The following RCHY1 variants were observed in gnomAD, a reference collection of about 807,000 sequenced individuals.
RCHY1 encodes ring finger and CHY zinc finger domain containing 1, also known as RING finger and CHY zinc finger domain-containing protein 1.
In RCHY1, 21 loss-of-function variants were observed where a neutral mutation model predicts 41.6. The ratio of observed to expected loss-of-function variants is 0.51; its 90% CI spans 0.36 to 0.73. The LOEUF (loss-of-function observed/expected upper bound fraction) is 0.73, where lower values mean the gene tolerates loss of function less well. RCHY1 is among the 30% of genes least tolerant of loss of function. RCHY1 has a pLI of 0.00. For synonymous variants in RCHY1, 79 were observed against 102.9 expected, an observed-to-expected ratio of 0.77 and a Z score of 1.41; for missense variants, 265 against 325.3, an observed-to-expected ratio of 0.81 and a Z score of 1.43.
intron 8 of RCHY1, among the ~76,000 whole-genome samples, chr4:75,484,970 A>G (rs1721859157): frequency 6.6e-6 from 1 of 152,172 alleles, no homozygotes; most frequent in South Asian, 2.1e-4. Flanking sequence ...CAATATTTTT[A>G]TTGCCTTAAA....
chr4:75,501,592 T>G (rs1054218845), intron 3 of RCHY1, among the ~76,000 whole-genome samples: 2 of 152,336 alleles, frequency 1.3e-5, no homozygotes, highest in South Asian at 2.1e-4. Context: ...CATAATTATT[T>G]GTCTATAACG....
intron 1 of RCHY1, 38 bp from the exon 2 acceptor site, chr4:75,509,334 CA>C: frequency 6.3e-7 from 1 of 1,594,580 alleles, no homozygotes; most frequent in Non-Finnish European, 8.5e-7. Flanking sequence ...TAGTAAGAAG[CA>C]AAAGAAACTA....
chr4:75,508,422 T>C (rs939565584), intron 3 of RCHY1, among the ~76,000 whole-genome samples: 1 of 152,132 alleles, frequency 6.6e-6, no homozygotes, highest in Non-Finnish European at 1.5e-5. Flanking sequence ...TTTTTTCCAA[T>C]TTTTATAAAA....
rs962525495 is a variant in RCHY1, at chr4:75,514,379, C to T, written c.-93G>A. On this transcript the variant is annotated 5_prime_UTR_variant, in exon 1 of 9. Coordinates refer to ENST00000324439, the MANE Select transcript of RCHY1 (RefSeq NM_015436.4). ...CGCCTCTCTAGCACACCCCTCCCAG[C>T]CCCAGCGGCCACTAGCGACAATATG... 7.2e-7 allele frequency: 1 copy of T among 1,389,006 alleles called. No homozygotes were observed. Among genetic ancestry groups the T allele is most frequent in the African/African-American group, 1.4e-5 (1 of 70,418 alleles). 86.0% of individuals were successfully genotyped at this position (1,389,006 alleles called of 1,614,324 possible).
At chr4:75,509,148 AAG>A (rs757112932) in intron 2 of RCHY1, 27 bp downstream of exon 2, 1 of 1,592,750 alleles carries the variant, frequency 6.3e-7, no homozygotes, top group African/African-American at 1.4e-5. Flanking sequence ...AGCTTTTAAA[AAG>A]AAAATAGAAA....
intron 1 of RCHY1, among the ~76,000 whole-genome samples, chr4:75,513,780 T>A (rs1454427707): frequency 2.0e-5 from 3 of 152,240 alleles, no homozygotes; most frequent in Non-Finnish European, 4.4e-5. Context: ...GCTGGCAGGC[T>A]ATAAAACTTT....
At chr4:75,485,326 C>T (rs763321153) in intron 8 of RCHY1, among the ~76,000 whole-genome samples, 3 of 152,278 alleles carry the variant, frequency 2.0e-5, no homozygotes, top group Admixed American at 6.5e-5. Context: ...TTTTTAAAAA[C>T]GATCTATGGA....
rs1177113049 is a variant in RCHY1, at chr4:75,480,852, ATGG to A, written c.*1683_*1685del. Reference sequence around the variant, plus strand: ...CAAAACAATTAAAAATTAGCTGGGCATGGTGGCACACACCTGTAGTCCCAGCTA... The same window carrying A: ...CAAAACAATTAAAAATTAGCTGGGCATGGCACACACCTGTAGTCCCAGCTA... On this transcript the variant is annotated 3_prime_UTR_variant, in exon 9 of 9. Coordinates refer to ENST00000324439, the MANE Select transcript of RCHY1 (RefSeq NM_015436.4). 6.6e-6 allele frequency: 1 copy of A among 152,338 alleles called. No homozygotes were observed. Among genetic ancestry groups the A allele is most frequent in the Non-Finnish European group, 1.5e-5 (1 of 68,164 alleles). The allele number at this position is 152,338 out of a possible 1,614,324, so 9.4% of individuals were successfully genotyped here.
chr4:75,502,418 T>C (rs1482400602), intron 3 of RCHY1, among the ~76,000 whole-genome samples: 1 of 151,860 alleles, frequency 6.6e-6, no homozygotes, highest in Admixed American at 6.6e-5. Context: ...CGGGCGCCTG[T>C]AGTCCCAGTT....
At chr4:75,513,514 TGAGGTTC>T (rs1725181061) in intron 1 of RCHY1, among the ~76,000 whole-genome samples, 5 of 152,258 alleles carry the variant, frequency 3.3e-5, no homozygotes, top group African/African-American at 1.2e-4. Flanking sequence ...ATAGGGCGGT[TGAGGTTC>T]CAAAGCTCAA....
At chr4:75,490,497 T>A in intron 8 of RCHY1, 84 bp downstream of exon 8, 2 of 1,032,438 alleles carry the variant, frequency 1.9e-6, no homozygotes, top group Non-Finnish European at 1.4e-6. Context: ...ATATATATTT[T>A]TTTTTTGGCA....
rs1429029974 is a variant in RCHY1 at position 75,479,214 on chromosome 4, T to C, written c.*3324A>G. On this transcript the variant is annotated 3_prime_UTR_variant, in exon 9 of 9. Coordinates refer to ENST00000324439, the MANE Select transcript of RCHY1 (RefSeq NM_015436.4). ...TTAATCATTCTACACTGTAAACATA[T>C]ATCAAAACATCACATTGTACTCCAT... is the stretch of plus-strand genomic sequence containing the variant. 6.6e-6 allele frequency: 1 copy of C among 152,094 alleles called. No homozygotes were observed. The highest frequency in any genetic ancestry group is 2.4e-5 in the African/African-American group (1 of 41,442). 9.4% of individuals were successfully genotyped at this position (152,094 alleles called of 1,614,324 possible).
chr4:75,491,939 T>G lies in RCHY1; in HGVS notation c.406-6A>C. The G allele has an allele frequency of 1.3e-6, 2 of 1,583,726 alleles. No individual in the cohort carries two copies. The highest frequency in any genetic ancestry group is 1.7e-6 in the Non-Finnish European group (2 of 1,168,316). Reference sequence around the variant, plus strand: ...CGGGACACATTTTCAATACACTGTTTAAAAGAGAAATTCACATTAACAAAA... The same window carrying G: ...CGGGACACATTTTCAATACACTGTTGAAAAGAGAAATTCACATTAACAAAA... On this transcript the variant is annotated splice_polypyrimidine_tract_variant and splice_region_variant and intron_variant, in intron 4 of 8. Coordinates refer to ENST00000324439, the MANE Select transcript of RCHY1 (RefSeq NM_015436.4).
At chr4:75,501,085 C>A (rs1032747459) in intron 3 of RCHY1, among the ~76,000 whole-genome samples, 1 of 152,180 alleles carries the variant, frequency 6.6e-6, no homozygotes, top group African/African-American at 2.4e-5. Context: ...TTTTGGCTCA[C>A]TGCAACCTCC....
chr4:75,491,629 T>A lies in RCHY1; in HGVS notation c.518A>T (p.Tyr173Phe), dbSNP rs778874126. The A allele has an allele frequency of 4.4e-6, 7 of 1,599,302 alleles. No homozygotes were observed. The East Asian group carries it at 1.6e-4, about 36-fold the overall frequency. The change falls in exon 7 of 9, where the codon TAT becomes TTT. Residue 173 changes from tyrosine (Y) to phenylalanine (F), a missense_variant. Transcript: ENST00000324439. ...PCGHLLHRTC[Y>F]EEMLKEGYRC... Reference sequence around the variant, plus strand: ...CACTCACTCTTTCAACATTTCTTCATAACACGTTCTGAAAGAAAATATAAG... The same window carrying A: ...CACTCACTCTTTCAACATTTCTTCAAAACACGTTCTGAAAGAAAATATAAG...
rs1234063503 is a variant in RCHY1, at chr4:75,487,769, CAT to C, written c.657+2810_657+2811del. On this transcript the variant is annotated intron_variant, in intron 8 of 8. Coordinates refer to ENST00000324439, the MANE Select transcript of RCHY1 (RefSeq NM_015436.4). Reference sequence around the variant, plus strand: ...TATATATATTCATAATATATATATTCATATATATATTCATAATATATATATTC... The same window carrying C: ...TATATATATTCATAATATATATATTCATATATATTCATAATATATATATTC... 3.0e-4 allele frequency among the ~76,000 whole-genome samples: 18 copies of C among 60,456 alleles called. 1 individual carries two copies. Among genetic ancestry groups the C allele is most frequent in the South Asian group, 2.6e-3 (6 of 2,328 alleles). The allele number at this position is 60,456 out of a possible 152,430, so 39.7% of individuals were successfully genotyped here.
At chr4:75,505,914 GA>G (rs1230228292) in intron 3 of RCHY1, among the ~76,000 whole-genome samples, 1 of 151,972 alleles carries the variant, frequency 6.6e-6, no homozygotes, top group African/African-American at 2.4e-5. Context: ...GACAAGCTAA[GA>G]AACTAAACAG....
Position 75,480,204 on chromosome 4 carries a change from T to A in RCHY1, c.*2334A>T, listed in dbSNP as rs1224732497. On this transcript the variant is annotated 3_prime_UTR_variant, in exon 9 of 9. Transcript: ENST00000324439. The stretch of plus-strand genomic sequence containing the variant: ...GCTTTAAGTGCATGACTAGACAGCA[T>A]AAACGAGTGATTGCATATGTACTCT... The A allele has an allele frequency of 1.3e-5, 2 of 152,180 alleles. No homozygotes were observed. The highest frequency in any genetic ancestry group is 2.9e-5 in the Non-Finnish European group (2 of 68,020). The allele number at this position is 152,180 out of a possible 1,614,324, so 9.4% of individuals were successfully genotyped here. A position where few individuals can be genotyped will look rare whatever the true frequency, so the allele number is the denominator to read the frequency against.
intron 8 of RCHY1, among the ~76,000 whole-genome samples, chr4:75,489,659 T>G (rs916329801): frequency 2.6e-5 from 4 of 152,202 alleles, no homozygotes; most frequent in African/African-American, 9.6e-5. Flanking sequence ...TAGAATCTCA[T>G]GTATCTTCCA....
Sources: allele counts gnomAD v4.1 joint callset (sites outside exome capture counted in the v4.1 genomes callset), GRCh38; gene constraint gnomAD v4.1.1; transcripts MANE v1.5; gene names NCBI Gene and HGNC (gene_info 2026-07-23, HGNC 2026-07-21).